LYST: variants seen among roughly 807,000 people sequenced by gnomAD.
LYST encodes lysosomal trafficking regulator.
LYST carries 192 observed loss-of-function variants against 413.6 expected under a neutral mutation model. The ratio of observed to expected loss-of-function variants is 0.46; its 90% CI spans 0.41 to 0.52. The LOEUF is 0.52. Ranked by LOEUF, LYST falls within the 20% of genes least tolerant of loss-of-function variation. The pLI is 0.00. For missense variants in LYST, 3,815 were observed against 4,499.9 expected, an observed-to-expected ratio of 0.85 and a Z score of 4.35; for synonymous variants, 1,525 against 1,567.3, an observed-to-expected ratio of 0.97 and a Z score of 0.64.
intron 1 of LYST, among the ~76,000 whole-genome samples, chr1:235,873,365 C>T (rs1681019685): frequency 1.3e-5 from 2 of 151,960 alleles, no homozygotes; most frequent in South Asian, 4.1e-4. Context: ...TTTTTTTTTC[C>T]ATTTAACAAT....
At chr1:235,780,611 A>C (rs1461585480) in intron 16 of LYST, among the ~76,000 whole-genome samples, 2 of 152,048 alleles carry the variant, frequency 1.3e-5, no homozygotes, top group Non-Finnish European at 2.9e-5. Flanking sequence ...TAGGTATAAA[A>C]TAAACTAAAC....
chr1:235,759,296 G>A lies in LYST; in HGVS notation c.6557C>T (p.Ser2186Phe). Residue 2186 changes from serine (S) to phenylalanine (F), a missense_variant, in exon 23 of 53, where the codon TCT (serine) becomes TTT (phenylalanine). Ser to Phe is a radical substitution (Grantham distance 155). Transcript: ENST00000389793. ...CACTCCCTTTGGGACATCACTGACA[G>A]AGACCTGGGCTGAGAGGACAGCTTC... is the stretch of plus-strand genomic sequence containing the variant. ...EMEAVLSAQV[S>F]VSDVPKGVLG... 1 of 1,614,194 alleles carries A rather than the reference G, an allele frequency of 6.2e-7. No homozygotes were observed. The highest frequency in any genetic ancestry group is 8.5e-7 in the Non-Finnish European group (1 of 1,180,022).
At chr1:235,855,760 AAC>A (rs1679102404) in intron 1 of LYST, among the ~76,000 whole-genome samples, 1 of 152,180 alleles carries the variant, frequency 6.6e-6, no homozygotes, top group African/African-American at 2.4e-5. Flanking sequence ...AGACATACTG[AAC>A]ACAGATATTT....
chr1:235,670,843 G>A (rs973697341), intron 50 of LYST, among the ~76,000 whole-genome samples: 5 of 152,188 alleles, frequency 3.3e-5, no homozygotes, highest in African/African-American at 1.2e-4. Flanking sequence ...TAGTAAGAGA[G>A]GTTGAACCCC....
At chr1:235,861,719 C>A (rs953020965) in intron 1 of LYST, among the ~76,000 whole-genome samples, 1 of 152,088 alleles carries the variant, frequency 6.6e-6, no homozygotes, top group Non-Finnish European at 1.5e-5. Context: ...GGACTCGAAC[C>A]AGGCTCAAGC....
chr1:235,795,184 G>A (rs917640227), intron 10 of LYST, among the ~76,000 whole-genome samples: 30 of 152,156 alleles, frequency 2.0e-4, no homozygotes, highest in African/African-American at 6.8e-4. Flanking sequence ...AGGGATTAAC[G>A]AAAGGTCTGT....
chr1:235,817,794 G>A (rs1173113394), intron 3 of LYST, among the ~76,000 whole-genome samples: 1 of 151,888 alleles, frequency 6.6e-6, no homozygotes, highest in African/African-American at 2.4e-5. Flanking sequence ...GAAATAGTCT[G>A]TACACCAAAC....
intron 45 of LYST, 36 bp downstream of exon 45, chr1:235,702,711 G>T: frequency 6.4e-7 from 1 of 1,553,222 alleles, no homozygotes; most frequent in Non-Finnish European, 8.9e-7. Flanking sequence ...GTCTAATCAG[G>T]TTTTGCTGCA....
intron 31 of LYST, chr1:235,734,919 G>T: frequency 3.7e-6 from 1 of 270,602 alleles, no homozygotes; most frequent in East Asian, 7.4e-5. Context: ...GAATTTAGAG[G>T]TAAAATATCA....
intron 1 of LYST, among the ~76,000 whole-genome samples, chr1:235,852,137 T>C (rs1014509292): frequency 1.3e-5 from 2 of 152,178 alleles, no homozygotes; most frequent in African/African-American, 4.8e-5. Flanking sequence ...AAATAAAGAT[T>C]GTGGTCTCCA....
In LYST at chr1:235,730,567, ATGTGTGTGTGTGTGTGTGTGTG is replaced by A. The variant is rs4006790; in HGVS notation, c.9044+258_9044+279del. Among the ~76,000 whole-genome samples the A allele has an allele frequency of 3.3e-4, 45 of 137,624 alleles. 1 individual carries two copies. The highest frequency in any genetic ancestry group is 3.2e-3 in the East Asian group (15 of 4,716). 90.3% of individuals were successfully genotyped at this position (137,624 alleles called of 152,430 possible). On this transcript the variant is annotated intron_variant, in intron 36 of 52. Coordinates refer to ENST00000389793, the MANE Select transcript of LYST (RefSeq NM_000081.4). ...TATGTGTATATATATACATATTTAT[ATGTGTGTGTGTGTGTGTGTGTG>A]TGTGTGTGTGTGTGTGTGTGTGTGT...
At chr1:235,798,198 G>A (rs1271104809) in intron 10 of LYST, among the ~76,000 whole-genome samples, 1 of 152,050 alleles carries the variant, frequency 6.6e-6, no homozygotes, top group Non-Finnish European at 1.5e-5. Context: ...AGGTACCTAA[G>A]AAGACATGAC....
chr1:235,746,194 A>T (rs775792012), intron 29 of LYST, 142 bp downstream of exon 29: 17 of 716,056 alleles, frequency 2.4e-5, no homozygotes, highest in Non-Finnish European at 4.0e-5. Flanking sequence ...ATCAGTTCCA[A>T]ATAAGAAACT....
rs543905088 is a variant in LYST, at chr1:235,671,185, G to A, written c.11038+5906C>T. Among the ~76,000 whole-genome samples, 113 of 152,264 alleles carry A rather than the reference G, an allele frequency of 7.4e-4. 2 individuals carry two copies. Among genetic ancestry groups the A allele is most frequent in the Admixed American group, 1.7e-3 (26 of 15,290 alleles). ...ACTCTTGACCTTAAGTGATCCACCT[G>A]CCTCAGCCTCCCAAAGCGTTGGGAT... On this transcript the variant is annotated intron_variant, in intron 50 of 52. Transcript: ENST00000389793.
chr1:235,804,701 AC>A, intron 6 of LYST, 36 bp from the exon 7 acceptor site: 1 of 1,235,148 alleles, frequency 8.1e-7, no homozygotes, highest in South Asian at 1.3e-5. Flanking sequence ...AATATTAATA[AC>A]CATTTTAAAA....
At chr1:235,750,198 A>T (rs894079646) in intron 28 of LYST, among the ~76,000 whole-genome samples, 1 of 152,198 alleles carries the variant, frequency 6.6e-6, no homozygotes, top group African/African-American at 2.4e-5. Context: ...AGGACAAAAG[A>T]GATGTACAAC....
chr1:235,662,139 A>G lies in LYST; in HGVS notation c.*801T>C, dbSNP rs1006469182. 2.0e-5 allele frequency: 3 copies of G among 152,260 alleles called. No homozygotes were observed. Among genetic ancestry groups the G allele is most frequent in the African/African-American group, 7.2e-5 (3 of 41,454 alleles). 9.4% of individuals were successfully genotyped at this position (152,260 alleles called of 1,614,324 possible). On this transcript the variant is annotated 3_prime_UTR_variant, in exon 53 of 53. Coordinates refer to ENST00000389793, the MANE Select transcript of LYST (RefSeq NM_000081.4). The stretch of plus-strand genomic sequence containing the variant: ...AATTGGTACAGATTCAATGCTCTGT[A>G]AATAGCAGACTTTAAGACTTACCAT...
upstream of LYST, among the ~76,000 whole-genome samples, chr1:235,871,259 C>T (rs1308419451): frequency 6.6e-6 from 1 of 151,578 alleles, no homozygotes; most frequent in Non-Finnish European, 1.5e-5. Flanking sequence ...TACTAAATCA[C>T]CAATAGCATT....
chr1:235,806,643 C>T lies in LYST; in HGVS notation c.2493G>A (p.Gln831=). The change falls in exon 6 of 53, where the codon CAG becomes CAA. Residue 831 remains glutamine (Q), a synonymous_variant. Transcript: ENST00000389793. ...ETLIISLGEQ[Q]KDASVPDIDG... ...CAATATCTGGAACTGAGGCATCTTT[C>T]TGTTGCTCCCCTAGGCTGATTATCA... The T allele has an allele frequency of 1.2e-6, 2 of 1,614,052 alleles. No homozygotes were observed. Among genetic ancestry groups the T allele is most frequent in the Non-Finnish European group, 1.7e-6 (2 of 1,179,958 alleles).
Sources: allele counts gnomAD v4.1 joint callset (sites outside exome capture counted in the v4.1 genomes callset), GRCh38; gene constraint gnomAD v4.1.1; transcripts MANE v1.5; gene names NCBI Gene and HGNC (gene_info 2026-07-23, HGNC 2026-07-21).